NAV2: variants seen among roughly 807,000 people sequenced by gnomAD.
NAV2 encodes the protein neuron navigator 2.
NAV2 carries 54 observed loss-of-function variants against 223.2 expected under a neutral mutation model. The ratio of observed to expected loss-of-function variants is 0.24; its 90% CI spans 0.19 to 0.30. The LOEUF (loss-of-function observed/expected upper bound fraction) is 0.30, where lower values mean the gene tolerates loss of function less well. Ranked by LOEUF, NAV2 falls within the 10% of genes least tolerant of loss-of-function variation. NAV2 has a pLI of 1.00. For missense variants in NAV2, 2,806 were observed against 3,147.5 expected (o/e 0.89, Z 2.60); for synonymous variants, 1,279 against 1,239.3 (o/e 1.03, Z -0.67).
intron 1 of NAV2, among the ~76,000 whole-genome samples, chr11:19,629,886 C>T (rs992907527): frequency 6.6e-6 from 1 of 152,204 alleles, no homozygotes; most frequent in Non-Finnish European, 1.5e-5. Flanking sequence ...GTCCTCCGTT[C>T]CCAAAGTCTT....
At chr11:19,931,014 G>T (rs2045282104) in intron 6 of NAV2, among the ~76,000 whole-genome samples, 1 of 152,210 alleles carries the variant, frequency 6.6e-6, no homozygotes, top group Admixed American at 6.5e-5. Flanking sequence ...CACCATGTCA[G>T]GAGACCTGAG....
Position 19,635,085 on chromosome 11 carries a change from C to T in NAV2, c.76-197399C>T, listed in dbSNP as rs567658047. Among the ~76,000 whole-genome samples the T allele has an allele frequency of 4.2e-4, 64 of 152,254 alleles. 1 individual carries two copies. Among genetic ancestry groups the T allele is most frequent in the African/African-American group, 1.4e-3 (60 of 41,554 alleles). On this transcript the variant is annotated intron_variant, in intron 1 of 37. Transcript: ENST00000360655. ...TGATTTCATTGTGTGACTCTGCCAT[C>T]GTTTGGCTCCTTAGAATCTATCACT...
At chr11:20,031,817 T>G (rs1308855664) in intron 11 of NAV2, among the ~76,000 whole-genome samples, 1 of 152,136 alleles carries the variant, frequency 6.6e-6, no homozygotes, top group Non-Finnish European at 1.5e-5. Context: ...GAATGCTCCT[T>G]TAGGCAAAGT....
chr11:19,750,986 C>A (rs2053757597), intron 1 of NAV2, among the ~76,000 whole-genome samples: 1 of 152,198 alleles, frequency 6.6e-6, no homozygotes, highest in Non-Finnish European at 1.5e-5. Flanking sequence ...TATGCTGAGG[C>A]TGGCTGGTAC....
At chr11:19,396,548 T>C (rs1340673426) in intron 1 of NAV2, among the ~76,000 whole-genome samples, 1 of 152,148 alleles carries the variant, frequency 6.6e-6, no homozygotes, top group Non-Finnish European at 1.5e-5. Flanking sequence ...ATCCATGAAG[T>C]CTGTTGCATC....
intron 3 of NAV2, among the ~76,000 whole-genome samples, chr11:19,845,788 T>C (rs1180565562): frequency 2.0e-5 from 3 of 152,184 alleles, no homozygotes; most frequent in African/African-American, 4.8e-5. Flanking sequence ...ATTTGTGGAA[T>C]ATGACCTAGA....
upstream of NAV2, chr11:19,712,630 C>G (rs1384034110): frequency 6.6e-6 from 1 of 152,368 alleles, no homozygotes; most frequent in Middle Eastern, 3.4e-3. Context: ...GGGAGGCGCG[C>G]GGCCGGGGCA....
chr11:19,409,058 G>A (rs1176000976), intron 1 of NAV2, among the ~76,000 whole-genome samples: 3 of 152,206 alleles, frequency 2.0e-5, no homozygotes, highest in East Asian at 1.9e-4. Context: ...CTCCAATTAC[G>A]TCCTTAATGA....
intron 1 of NAV2, among the ~76,000 whole-genome samples, chr11:19,477,721 C>T (rs1357619572): frequency 1.3e-5 from 2 of 152,168 alleles, no homozygotes; most frequent in African/African-American, 4.8e-5. Flanking sequence ...CTTTCATGTA[C>T]ATAATCTCAT....
At chr11:19,976,557 G>T (rs2049771838) in intron 10 of NAV2, among the ~76,000 whole-genome samples, 1 of 152,192 alleles carries the variant, frequency 6.6e-6, no homozygotes, top group Non-Finnish European at 1.5e-5. Context: ...CTAGATCTGA[G>T]CCCTTGTTTG....
chr11:19,564,560 T>C (rs1279737497), intron 1 of NAV2, among the ~76,000 whole-genome samples: 3 of 151,832 alleles, frequency 2.0e-5, no homozygotes, highest in East Asian at 1.9e-4. Flanking sequence ...GTGTTCTTTT[T>C]CCATTTGGAG....
intron 1 of NAV2, among the ~76,000 whole-genome samples, chr11:19,366,306 G>C (rs1417421523): frequency 3.9e-5 from 6 of 152,222 alleles, no homozygotes; most frequent in Non-Finnish European, 7.3e-5. Context: ...GTGCCCCTCT[G>C]TGGAGCCCTG....
At chr11:19,449,376 G>A (rs1475052819) in intron 1 of NAV2, among the ~76,000 whole-genome samples, 1 of 150,026 alleles carries the variant, frequency 6.7e-6, no homozygotes, top group Admixed American at 6.6e-5. Flanking sequence ...CAGCCTGAGC[G>A]ACAGAGCGAG....
At chr11:19,936,026 A>AT (rs11315576) in intron 7 of NAV2, among the ~76,000 whole-genome samples, 5,360 of 139,418 alleles carry the variant, frequency 0.038, 316 homozygotes, top group African/African-American at 0.13. Context: ...TGCCTGGCTA[A>AT]TTTTTTTTTT....
intron 1 of NAV2, among the ~76,000 whole-genome samples, chr11:19,738,958 T>C (rs1339404130): frequency 6.6e-6 from 1 of 151,862 alleles, no homozygotes; most frequent in Non-Finnish European, 1.5e-5. Context: ...GATGGAAAAA[T>C]GGAATTAGAA....
At chr11:19,877,644 T>G (rs1383578380) in intron 4 of NAV2, among the ~76,000 whole-genome samples, 1 of 151,790 alleles carries the variant, frequency 6.6e-6, no homozygotes, top group Non-Finnish European at 1.5e-5. Flanking sequence ...GGCTAATTTT[T>G]TGTGTTTTTA....
intron 1 of NAV2, among the ~76,000 whole-genome samples, chr11:19,820,213 A>G (rs986678078): frequency 2.0e-5 from 3 of 152,238 alleles, no homozygotes; most frequent in African/African-American, 7.2e-5. Context: ...AGGCAGTGGC[A>G]CTGATTGATG....
chr11:19,842,978 A>G, intron 3 of NAV2, 55 bp downstream of exon 3: 1 of 1,447,774 alleles, frequency 6.9e-7, no homozygotes, highest in East Asian at 2.3e-5. Flanking sequence ...CCCTGCCTCT[A>G]AGTGATATTG....
intron 1 of NAV2, among the ~76,000 whole-genome samples, chr11:19,510,506 G>A (rs112030646): frequency 6.8e-4 from 103 of 152,316 alleles, no homozygotes; most frequent in African/African-American, 2.0e-3. Flanking sequence ...TATGTCGGGC[G>A]ATCCTAGCAG....
Sources: gnomAD v4.1 joint callset for allele counts (sites outside exome capture counted in the v4.1 genomes callset) on GRCh38, gnomAD v4.1.1 for gene constraint, MANE v1.5 for transcripts, NCBI Gene and HGNC (gene_info 2026-07-23, HGNC 2026-07-21) for gene names.